The following TIAM1 variants were observed in gnomAD, a reference collection of about 807,000 sequenced individuals.
TIAM1 encodes rho guanine nucleotide exchange factor TIAM1.
Under a neutral mutation model 163.5 loss-of-function variants are expected in TIAM1, and 65 were observed. That is an observed-to-expected ratio of 0.40 (90% CI 0.33 to 0.49). The LOEUF (loss-of-function observed/expected upper bound fraction) is 0.49. Ranked by LOEUF, TIAM1 falls within the 20% of genes least tolerant of loss-of-function variation. The probability of loss-of-function intolerance (pLI) is 0.77; values close to 1 mark genes in which losing one functional copy is unlikely to be tolerated. For synonymous variants in TIAM1, 833 were observed against 810.1 expected, an observed-to-expected ratio of 1.03 and a Z score of -0.48; for missense variants, 1,789 against 2,044.7, an observed-to-expected ratio of 0.87 and a Z score of 2.41.
chr21:31,435,998 C>T (rs1428599872), intron 2 of TIAM1, among the ~76,000 whole-genome samples: 1 of 152,162 alleles, frequency 6.6e-6, no homozygotes, highest in African/African-American at 2.4e-5. Flanking sequence ...ATAAATTATG[C>T]AGTCTGTGGT....
chr21:31,210,652 A>G (rs1310552560), intron 10 of TIAM1, among the ~76,000 whole-genome samples: 328 of 21,792 alleles, frequency 0.015, 17 homozygotes, highest in African/African-American at 0.058. Context: ...AAAGAAAGAA[A>G]GAAAGAAAGA....
chr21:31,430,159 T>G (rs2043951330), intron 2 of TIAM1, among the ~76,000 whole-genome samples: 1 of 145,398 alleles, frequency 6.9e-6, no homozygotes, highest in Non-Finnish European at 1.5e-5. Context: ...TGAGCCGAGG[T>G]CGCGCCATTG....
At chr21:31,431,964 A>G (rs1463182031) in intron 2 of TIAM1, among the ~76,000 whole-genome samples, 1 of 152,174 alleles carries the variant, frequency 6.6e-6, no homozygotes, top group African/African-American at 2.4e-5. Flanking sequence ...GGCTGCCATC[A>G]CTAGAATGCC....
At chr21:31,365,907 C>T (rs180716914) in intron 2 of TIAM1, among the ~76,000 whole-genome samples, 85 of 151,520 alleles carry the variant, frequency 5.6e-4, no homozygotes, top group African/African-American at 1.6e-3. Flanking sequence ...TTGAGACCAT[C>T]CTGGCCAACA....
intron 2 of TIAM1, among the ~76,000 whole-genome samples, chr21:31,410,473 G>A (rs2077333705): frequency 6.8e-6 from 1 of 146,438 alleles, no homozygotes; most frequent in Admixed American, 7.0e-5. Context: ...GCATGTGTGA[G>A]CGACTGTGTA....
intron 13 of TIAM1, among the ~76,000 whole-genome samples, chr21:31,193,223 C>G (rs1283508360): frequency 6.6e-6 from 1 of 152,198 alleles, no homozygotes; most frequent in Non-Finnish European, 1.5e-5. Flanking sequence ...TCGAAAGGCC[C>G]GCTTACAAAT....
intron 1 of TIAM1, among the ~76,000 whole-genome samples, chr21:31,557,991 GC>G (rs1385312466): frequency 1.3e-5 from 2 of 152,150 alleles, no homozygotes; most frequent in African/African-American, 2.4e-5. Context: ...TTCCCCTGCA[GC>G]ATCCCGCCCC....
At chr21:31,507,225 A>T (rs2147462676) in intron 1 of TIAM1, among the ~76,000 whole-genome samples, 1 of 49,810 alleles carries the variant, frequency 2.0e-5, no homozygotes, top group African/African-American at 8.1e-5. Context: ...TTTTTTTTTG[A>T]GACAGAGTCT....
At chr21:31,342,084 A>C (rs1602047738) in intron 1 of TIAM1, among the ~76,000 whole-genome samples, 1 of 152,248 alleles carries the variant, frequency 6.6e-6, no homozygotes, top group African/African-American at 2.4e-5. Flanking sequence ...AAAATGGGAA[A>C]ATTTCTGTAA....
intron 2 of TIAM1, among the ~76,000 whole-genome samples, chr21:31,439,048 AGG>A (rs1569332388): frequency 5.9e-5 from 9 of 152,018 alleles, no homozygotes; most frequent in African/African-American, 2.2e-4. Flanking sequence ...TATAATCACT[AGG>A]TAGCGATTAC....
chr21:31,273,041 C>A (rs1319232929), intron 3 of TIAM1, among the ~76,000 whole-genome samples: 1 of 152,042 alleles, frequency 6.6e-6, no homozygotes, highest in Non-Finnish European at 1.5e-5. Flanking sequence ...CTAATGACAA[C>A]TAAAAACTCT....
At chr21:31,302,138 G>A (rs981216152) in intron 2 of TIAM1, among the ~76,000 whole-genome samples, 5 of 151,762 alleles carry the variant, frequency 3.3e-5, no homozygotes, top group African/African-American at 1.2e-4. Flanking sequence ...CTTTTCCTCA[G>A]GAGAAAGAAA....
At chr21:31,512,982 T>C (rs1178845019) in intron 1 of TIAM1, among the ~76,000 whole-genome samples, 2 of 152,078 alleles carry the variant, frequency 1.3e-5, no homozygotes, top group African/African-American at 4.8e-5. Flanking sequence ...AACTATAATG[T>C]TCTAAAATAA....
chr21:31,272,479 T>TA (rs36107845), intron 3 of TIAM1, among the ~76,000 whole-genome samples: 4,569 of 133,092 alleles, frequency 0.034, 100 homozygotes, highest in African/African-American at 0.073. Context: ...AAGCCTTTTG[T>TA]AAAAAAAAAA....
intron 1 of TIAM1, among the ~76,000 whole-genome samples, chr21:31,517,599 C>T (rs2047428098): frequency 6.6e-6 from 1 of 152,120 alleles, no homozygotes; most frequent in African/African-American, 2.4e-5. Context: ...GCAATACAGT[C>T]ACAGGCCAAG....
At chr21:31,275,868 G>C (rs776967393) in intron 3 of TIAM1, among the ~76,000 whole-genome samples, 2 of 152,034 alleles carry the variant, frequency 1.3e-5, no homozygotes, top group African/African-American at 4.8e-5. Context: ...CTGACCATAA[G>C]GCATTTAATG....
chr21:31,128,111 A>C (rs770385164), intron 25 of TIAM1, among the ~76,000 whole-genome samples: 4 of 152,266 alleles, frequency 2.6e-5, no homozygotes, highest in Admixed American at 6.5e-5. Flanking sequence ...CAGGCCATAC[A>C]TTGTGAAGTC....
intron 2 of TIAM1, among the ~76,000 whole-genome samples, chr21:31,449,335 T>C (rs1006934060): frequency 1.3e-5 from 2 of 151,910 alleles, no homozygotes; most frequent in Non-Finnish European, 2.9e-5. Flanking sequence ...ACATACTAGG[T>C]GCTCAAAAAA....
intron 15 of TIAM1, among the ~76,000 whole-genome samples, chr21:31,180,062 C>T (rs2084943490): frequency 6.6e-6 from 1 of 151,970 alleles, no homozygotes; most frequent in Admixed American, 6.6e-5. Context: ...CCTGCCACCA[C>T]GGATGGCTAA....
Sources: gnomAD v4.1 joint callset for allele counts (sites outside exome capture counted in the v4.1 genomes callset) on GRCh38, gnomAD v4.1.1 for gene constraint, MANE v1.5 for transcripts, NCBI Gene and HGNC (gene_info 2026-07-23, HGNC 2026-07-21) for gene names.